The following TAFA1 variants were observed in gnomAD, a reference collection of about 807,000 sequenced individuals.
TAFA1 encodes the protein TAFA chemokine like family member 1, also known as chemokine-like protein TAFA-1.
TAFA1 carries 4 observed loss-of-function variants against 18.5 expected under a neutral mutation model. That is an observed-to-expected ratio of 0.22 (90% CI 0.11 to 0.49). TAFA1 has a LOEUF of 0.49. TAFA1 is among the 20% of genes least tolerant of loss of function. TAFA1 has a pLI of 0.98. For missense variants in TAFA1, 147 were observed against 169.0 expected, an observed-to-expected ratio of 0.87 and a Z score of 0.72; for synonymous variants, 56 against 55.2, an observed-to-expected ratio of 1.01 and a Z score of -0.06.
intron 2 of TAFA1, among the ~76,000 whole-genome samples, chr3:68,078,412 A>G (rs956676970): frequency 1.1e-4 from 16 of 152,014 alleles, no homozygotes; most frequent in Admixed American, 2.6e-4. Flanking sequence ...AATGCTTCCA[A>G]TTTTTGCCCA....
intron 2 of TAFA1, among the ~76,000 whole-genome samples, chr3:68,280,638 A>G (rs9829202): frequency 0.2 from 30,631 of 151,856 alleles, 3,224 homozygotes; most frequent in Middle Eastern, 0.26. Context: ...CCCCTTCTGC[A>G]CAGTGGGATG....
Position 68,036,961 on chromosome 3 carries a change from C to T in TAFA1, c.118+30217C>T, listed in dbSNP as rs139956451. On this transcript the variant is annotated intron_variant, in intron 2 of 4. Coordinates refer to ENST00000478136, the MANE Select transcript of TAFA1 (RefSeq NM_213609.4). ...CACTTATTGAGTGCTAAGTCCCTCA[C>T]CAGGAACTAATTCCTGCTCTCTGAG... Among the ~76,000 whole-genome samples, 27 of 152,230 alleles carry T rather than the reference C, an allele frequency of 1.8e-4. No individual in the cohort carries two copies. The East Asian group carries it at 5.2e-3, about 29-fold the overall frequency.
chr3:68,211,513 G>A (rs1451186256), intron 2 of TAFA1, among the ~76,000 whole-genome samples: 1 of 152,060 alleles, frequency 6.6e-6, no homozygotes, highest in Admixed American at 6.6e-5. Context: ...TGTGGTGATT[G>A]AGATAGACAG....
chr3:68,231,620 A>G (rs1388702463), intron 2 of TAFA1, among the ~76,000 whole-genome samples: 1 of 151,598 alleles, frequency 6.6e-6, no homozygotes, highest in East Asian at 1.9e-4. Flanking sequence ...TCGGCCTCCC[A>G]AAGCGCTGGG....
At chr3:68,142,928 G>A (rs1319243787) in intron 2 of TAFA1, among the ~76,000 whole-genome samples, 1 of 134,216 alleles carries the variant, frequency 7.5e-6, no homozygotes, top group East Asian at 2.2e-4. Flanking sequence ...TTTTTTTTTA[G>A]TGTACAAAAT....
At chr3:68,530,128 A>G (rs572139037) in intron 3 of TAFA1, among the ~76,000 whole-genome samples, 22 of 152,348 alleles carry the variant, frequency 1.4e-4, no homozygotes, top group Middle Eastern at 3.4e-3. Flanking sequence ...TTGGTAAAGC[A>G]GGTAATGTTT....
intron 3 of TAFA1, among the ~76,000 whole-genome samples, chr3:68,458,777 A>C (rs769236715): frequency 1.3e-5 from 2 of 151,882 alleles, no homozygotes; most frequent in African/African-American, 2.4e-5. Flanking sequence ...ATTTTTAAAC[A>C]GTGCTTCCCA....
intron 2 of TAFA1, among the ~76,000 whole-genome samples, chr3:68,378,023 C>A (rs986292287): frequency 1.3e-5 from 2 of 152,190 alleles, no homozygotes; most frequent in South Asian, 4.1e-4. Flanking sequence ...AGGCAGAAGT[C>A]TGCTTCAAGG....
chr3:68,062,791 G>A (rs1383667812), intron 2 of TAFA1, among the ~76,000 whole-genome samples: 1 of 152,202 alleles, frequency 6.6e-6, no homozygotes, highest in Non-Finnish European at 1.5e-5. Flanking sequence ...CCATAACGAA[G>A]AAGCAGTCCT....
In TAFA1 at chr3:68,406,694, C is replaced by G. The variant is rs1318994764; in HGVS notation, c.119-10586C>G. 2.0e-5 allele frequency among the ~76,000 whole-genome samples: 3 copies of G among 152,180 alleles called. No homozygotes were observed. The East Asian group carries it at 5.8e-4, about 29-fold the overall frequency. On this transcript the variant is annotated intron_variant, in intron 2 of 4. Transcript: ENST00000478136. Reference sequence around the variant, plus strand: ...AGAAAAGTGGAGATATATCCTCAGCCTTATTTTAACAAAAATTTGAAGGCA... The same window carrying G: ...AGAAAAGTGGAGATATATCCTCAGCGTTATTTTAACAAAAATTTGAAGGCA...
At chr3:68,193,097 G>T (rs1447007187) in intron 2 of TAFA1, among the ~76,000 whole-genome samples, 1 of 151,746 alleles carries the variant, frequency 6.6e-6, no homozygotes, top group Non-Finnish European at 1.5e-5. Context: ...AGTGTTTTAA[G>T]TATGAGGAAT....
intron 2 of TAFA1, among the ~76,000 whole-genome samples, chr3:68,237,681 T>C (rs893428295): frequency 2.0e-5 from 3 of 152,178 alleles, no homozygotes; most frequent in African/African-American, 7.2e-5. Flanking sequence ...TAAAATTTTA[T>C]TGGTTTTTGT....
intron 3 of TAFA1, among the ~76,000 whole-genome samples, chr3:68,450,333 G>A (rs907684679): frequency 2.0e-5 from 3 of 152,190 alleles, no homozygotes; most frequent in Non-Finnish European, 4.4e-5. Context: ...ATGTTGAGCT[G>A]GAGATAAAGT....
At chr3:68,376,742 A>C (rs72627000) in intron 2 of TAFA1, among the ~76,000 whole-genome samples, 3,909 of 152,254 alleles carry the variant, frequency 0.026, 74 homozygotes, top group East Asian at 0.093. Context: ...TTGTGATAGA[A>C]TGATTTATAT....
chr3:68,289,170 A>C (rs2068067932), intron 2 of TAFA1, among the ~76,000 whole-genome samples: 1 of 152,166 alleles, frequency 6.6e-6, no homozygotes, highest in African/African-American at 2.4e-5. Flanking sequence ...TTTTTAATAC[A>C]TAGGAATTGT....
rs189014052 is a variant in TAFA1, at chr3:68,403,628, A to T, written c.119-13652A>T. ...CCATAAATATTATTGACATACAGCT[A>T]CACTAACTTGTTTATGTATCATTTG... On this transcript the variant is annotated intron_variant, in intron 2 of 4. Coordinates refer to ENST00000478136, the MANE Select transcript of TAFA1 (RefSeq NM_213609.4). Among the ~76,000 whole-genome samples the T allele has an allele frequency of 3.0e-3, 459 of 152,342 alleles. 3 individuals carry two copies. The highest frequency in any genetic ancestry group is 3.7e-3 in the Non-Finnish European group (254 of 68,032).
chr3:68,503,731 G>A (rs2072700624), intron 3 of TAFA1, among the ~76,000 whole-genome samples: 1 of 152,038 alleles, frequency 6.6e-6, no homozygotes, highest in Non-Finnish European at 1.5e-5. Flanking sequence ...CTAGTAGGGA[G>A]GCCTTTCTGA....
chr3:68,218,450 G>A (rs1032718999), intron 2 of TAFA1, among the ~76,000 whole-genome samples: 4 of 151,986 alleles, frequency 2.6e-5, no homozygotes, highest in Admixed American at 2.6e-4. Flanking sequence ...CCCAGGTCAC[G>A]GTATGGGGAT....
intron 4 of TAFA1, among the ~76,000 whole-genome samples, chr3:68,544,084 G>T (rs911502736): frequency 4.6e-5 from 7 of 152,036 alleles, no homozygotes; most frequent in African/African-American, 1.7e-4. Context: ...GGTGCAAAAT[G>T]AAAGTGCAGG....
Sources: gnomAD v4.1 joint callset for allele counts (sites outside exome capture counted in the v4.1 genomes callset) on GRCh38, gnomAD v4.1.1 for gene constraint, MANE v1.5 for transcripts, NCBI Gene and HGNC (gene_info 2026-07-23, HGNC 2026-07-21) for gene names.